ACTR3B: variants seen among roughly 807,000 people sequenced by gnomAD.
ACTR3B encodes the protein actin-related protein 3B.
ACTR3B carries 8 observed loss-of-function variants against 59.0 expected under a neutral mutation model. The ratio of observed to expected loss-of-function variants is 0.14; its 90% CI spans 0.08 to 0.24. The LOEUF (loss-of-function observed/expected upper bound fraction) is 0.24, where lower values mean the gene tolerates loss of function less well. Among genes scored for constraint, ACTR3B ranks in the 10% least tolerant of loss-of-function variants. The pLI, the probability that ACTR3B is intolerant of heterozygous loss-of-function variation, is 1.00. For synonymous variants in ACTR3B, 148 were observed against 197.9 expected (o/e 0.75, Z 2.12); for missense variants, 245 against 552.3 (o/e 0.44, Z 5.58).
chr7:152,769,302 A>T (rs2098118615), intron 1 of ACTR3B, among the ~76,000 whole-genome samples: 1 of 152,188 alleles, frequency 6.6e-6, no homozygotes, highest in African/African-American at 2.4e-5. Flanking sequence ...GGTTATCTAG[A>T]TAGAAATAAC....
chr7:152,823,546 T>C (rs1345129838), intron 8 of ACTR3B, 31 bp downstream of exon 8: 34 of 1,610,230 alleles, frequency 2.1e-5, no homozygotes, highest in Non-Finnish European at 2.9e-5. Context: ...TGTGCTCAAG[T>C]GTGGGATGGA....
intron 10 of ACTR3B, 74 bp downstream of exon 10, chr7:152,852,325 G>A (rs960740646): frequency 9.9e-6 from 15 of 1,516,498 alleles, no homozygotes; most frequent in Non-Finnish European, 1.1e-5. Flanking sequence ...CTGACACAGA[G>A]CCGAAGGAGC....
At chr7:152,793,111 C>T (rs1473941888) in intron 2 of ACTR3B, among the ~76,000 whole-genome samples, 98 of 93,694 alleles carry the variant, frequency 1.0e-3, no homozygotes, top group East Asian at 1.0e-3. Context: ...TGTTTTGTTT[C>T]GGGTTAACTT....
intron 2 of ACTR3B, 81 bp from the exon 3 acceptor site, chr7:152,800,450 T>C (rs1311130725): frequency 1.9e-5 from 29 of 1,536,534 alleles, no homozygotes; most frequent in Non-Finnish European, 2.1e-5. Flanking sequence ...TACTTGTGTG[T>C]ATATAAGGAT....
At chr7:152,843,766 C>T (rs1236574640) in intron 9 of ACTR3B, among the ~76,000 whole-genome samples, 1 of 152,164 alleles carries the variant, frequency 6.6e-6, no homozygotes, top group African/African-American at 2.4e-5. Flanking sequence ...GGAATAGGAA[C>T]AGCAGATTAA....
intron 6 of ACTR3B, among the ~76,000 whole-genome samples, chr7:152,818,504 G>A (rs1437825349): frequency 6.6e-6 from 1 of 152,030 alleles, no homozygotes; most frequent in Admixed American, 6.5e-5. Flanking sequence ...AGGCTGGAGT[G>A]CAATGGCACG....
chr7:152,829,026 T>TA (rs1168263118), intron 9 of ACTR3B, among the ~76,000 whole-genome samples: 3,292 of 151,126 alleles, frequency 0.022, 116 homozygotes, highest in African/African-American at 0.071. Flanking sequence ...TATTGACAAG[T>TA]AAAAATTGTG....
At chr7:152,802,775 C>G (rs570599559) in intron 4 of ACTR3B, among the ~76,000 whole-genome samples, 1 of 152,016 alleles carries the variant, frequency 6.6e-6, no homozygotes, top group East Asian at 1.9e-4. Flanking sequence ...TTATAAAATT[C>G]TTTCTGATGT....
chr7:152,838,633 TAACA>T (rs1399119641), intron 9 of ACTR3B, among the ~76,000 whole-genome samples: 2 of 152,004 alleles, frequency 1.3e-5, no homozygotes, highest in African/African-American at 2.4e-5. Context: ...TATACCTGTG[TAACA>T]AACCTGCACG....
At chr7:152,769,167 G>C (rs2098118343) in intron 1 of ACTR3B, among the ~76,000 whole-genome samples, 3 of 152,226 alleles carry the variant, frequency 2.0e-5, no homozygotes, top group African/African-American at 7.2e-5. Flanking sequence ...ATTTTTGTGT[G>C]TGTGTGTACC....
At chr7:152,846,492 G>A (rs868337530) in intron 9 of ACTR3B, among the ~76,000 whole-genome samples, 12 of 145,576 alleles carry the variant, frequency 8.2e-5, no homozygotes, top group South Asian at 2.3e-4. Flanking sequence ...CCTAGTGCCC[G>A]GGCTGTAGTC....
chr7:152,834,852 T>A (rs1797318332), intron 9 of ACTR3B, among the ~76,000 whole-genome samples: 1 of 152,194 alleles, frequency 6.6e-6, no homozygotes. Context: ...CTGGCTAAAA[T>A]GCTGACCTGG....
At position 152,814,851 on chromosome 7, in the gene ACTR3B, C is replaced by T. The variant is rs956111217; in HGVS notation, c.432+206C>T. Among the ~76,000 whole-genome samples, 60 of 152,246 alleles carry T rather than the reference C, an allele frequency of 3.9e-4. 1 individual carries two copies. Among genetic ancestry groups the T allele is most frequent in the African/African-American group, 1.2e-3 (48 of 41,512 alleles). On this transcript the variant is annotated intron_variant, in intron 5 of 11. Coordinates refer to ENST00000256001, the MANE Select transcript of ACTR3B (RefSeq NM_020445.6). ...TTTTGATGCCATTTTTTGGTATAGA[C>T]GTCGTCTGGCTCTTTTTACGTGCAT...
At chr7:152,777,949 CAA>C (rs113672566) in intron 1 of ACTR3B, among the ~76,000 whole-genome samples, 14 of 124,382 alleles carry the variant, frequency 1.1e-4, no homozygotes, top group African/African-American at 8.8e-5. Flanking sequence ...GACTCCGTCT[CAA>C]AAAAAAAAAA....
At chr7:152,774,683 C>T (rs2116556679) in intron 1 of ACTR3B, among the ~76,000 whole-genome samples, 1 of 151,930 alleles carries the variant, frequency 6.6e-6, no homozygotes, top group Admixed American at 6.6e-5. Flanking sequence ...AAAAAGTACT[C>T]AGAAGGAGAA....
chr7:152,845,988 T>C (rs986809387), intron 9 of ACTR3B, among the ~76,000 whole-genome samples: 27 of 152,274 alleles, frequency 1.8e-4, no homozygotes, highest in African/African-American at 6.0e-4. Context: ...ATGATTGTTA[T>C]AAAGATGCAG....
At chr7:152,814,735 C>G in intron 5 of ACTR3B, 90 bp downstream of exon 5, 1 of 1,019,416 alleles carries the variant, frequency 9.8e-7, no homozygotes, top group Non-Finnish European at 1.5e-6. Flanking sequence ...CGCTGGAAGA[C>G]TGCGCTGTGT....
rs537149538 is a variant in ACTR3B at position 152,833,665 on chromosome 7, C to T, written c.951+8543C>T. ...TGAAAATTTTTGTTATTTTTAATACCGCATTTGATATTAAGCACTTGCTGT... is the reference window on the plus strand; with the variant it reads ...TGAAAATTTTTGTTATTTTTAATACTGCATTTGATATTAAGCACTTGCTGT... On this transcript the variant is annotated intron_variant, in intron 9 of 11. Coordinates refer to ENST00000256001, the MANE Select transcript of ACTR3B (RefSeq NM_020445.6). Among the ~76,000 whole-genome samples the T allele has an allele frequency of 1.1e-3, 166 of 152,140 alleles. 1 individual carries two copies. The highest frequency in any genetic ancestry group is 3.6e-3 in the African/African-American group (150 of 41,486).
intron 2 of ACTR3B, among the ~76,000 whole-genome samples, chr7:152,788,859 T>TA (rs1177652462): frequency 3.9e-5 from 6 of 152,026 alleles, no homozygotes; most frequent in Admixed American, 1.3e-4. Context: ...TTGTCTCTAC[T>TA]AAAAAATACA....
Sources: gnomAD v4.1 joint callset for allele counts (sites outside exome capture counted in the v4.1 genomes callset) on GRCh38, gnomAD v4.1.1 for gene constraint, MANE v1.5 for transcripts, NCBI Gene and HGNC (gene_info 2026-07-23, HGNC 2026-07-21) for gene names.